The following KCNAB1 variants were observed in gnomAD, a reference collection of about 807,000 sequenced individuals.
The protein encoded by KCNAB1 is voltage-gated potassium channel subunit beta-1.
KCNAB1 carries 35 observed loss-of-function variants against 64.6 expected under a neutral mutation model. The ratio of observed to expected loss-of-function variants is 0.54; its 90% CI spans 0.41 to 0.72. The LOEUF is 0.72. Ranked by LOEUF, KCNAB1 falls within the 30% of genes least tolerant of loss-of-function variation. The pLI, the probability that KCNAB1 is intolerant of heterozygous loss-of-function variation, is 0.00. For synonymous variants in KCNAB1, 177 were observed against 183.8 expected, an observed-to-expected ratio of 0.96 and a Z score of 0.30; for missense variants, 401 against 512.9, an observed-to-expected ratio of 0.78 and a Z score of 2.11.
At chr3:156,284,296 G>T (rs1719944149) in intron 1 of KCNAB1, among the ~76,000 whole-genome samples, 1 of 152,148 alleles carries the variant, frequency 6.6e-6, no homozygotes, top group Non-Finnish European at 1.5e-5. Flanking sequence ...AGGGGTCAGG[G>T]ACCCACTTGA....
chr3:156,510,057 C>A (rs1308687652), intron 8 of KCNAB1, among the ~76,000 whole-genome samples: 1 of 152,220 alleles, frequency 6.6e-6, no homozygotes, highest in Admixed American at 6.5e-5. Context: ...GGTTCTCCTG[C>A]AATTTCTCCC....
intron 2 of KCNAB1, among the ~76,000 whole-genome samples, chr3:156,436,294 A>C (rs980547968): frequency 3.9e-5 from 6 of 152,056 alleles, no homozygotes; most frequent in Admixed American, 6.5e-5. Flanking sequence ...TATATACCAG[A>C]TTTTCTTTAT....
intron 8 of KCNAB1, among the ~76,000 whole-genome samples, chr3:156,501,765 A>AT (rs1179918118): frequency 6.6e-6 from 1 of 152,092 alleles, no homozygotes; most frequent in Non-Finnish European, 1.5e-5. Context: ...GTATTAGTCC[A>AT]TTTTCATGCT....
At chr3:156,203,486 C>T (rs927774899) in intron 1 of KCNAB1, among the ~76,000 whole-genome samples, 1 of 152,086 alleles carries the variant, frequency 6.6e-6, no homozygotes, top group Admixed American at 6.6e-5. Flanking sequence ...TTCCTATGGA[C>T]CGTTTTCCCC....
At chr3:156,207,679 T>A (rs115736538) in intron 1 of KCNAB1, among the ~76,000 whole-genome samples, 2,422 of 152,266 alleles carry the variant, frequency 0.016, 69 homozygotes, top group African/African-American at 0.056. Flanking sequence ...GCTGTGCCCA[T>A]AGAAAAATGA....
At chr3:156,465,502 C>T (rs1228428295) in intron 6 of KCNAB1, 141 bp from the exon 7 acceptor site, 1 of 665,426 alleles carries the variant, frequency 1.5e-6, no homozygotes, top group Non-Finnish European at 2.6e-6. Context: ...TGTTGCCCAC[C>T]AGACTTCTCT....
intron 11 of KCNAB1, among the ~76,000 whole-genome samples, chr3:156,522,485 T>C (rs1293729548): frequency 6.6e-6 from 1 of 152,162 alleles, no homozygotes; most frequent in Non-Finnish European, 1.5e-5. Context: ...CTCTTCTTTT[T>C]GAAGAAGCTG....
chr3:156,332,686 A>G (rs1215308331), intron 1 of KCNAB1, among the ~76,000 whole-genome samples: 1 of 152,180 alleles, frequency 6.6e-6, no homozygotes, highest in Non-Finnish European at 1.5e-5. Flanking sequence ...GCACAGTCAG[A>G]CCCAGATGTC....
At chr3:156,314,268 C>A (rs562604550) in intron 1 of KCNAB1, among the ~76,000 whole-genome samples, 64 of 140,474 alleles carry the variant, frequency 4.6e-4, no homozygotes, top group Middle Eastern at 3.4e-3. Context: ...ATGTTAGGTG[C>A]GGTGTCAAAA....
intron 1 of KCNAB1, among the ~76,000 whole-genome samples, chr3:156,141,946 G>A (rs1477731877): frequency 6.6e-6 from 1 of 152,154 alleles, no homozygotes; most frequent in Non-Finnish European, 1.5e-5. Flanking sequence ...TTGTATTTTA[G>A]CTATTGTGAT....
intron 1 of KCNAB1, among the ~76,000 whole-genome samples, chr3:156,380,218 G>C (rs528796985): frequency 2.6e-5 from 4 of 152,276 alleles, no homozygotes; most frequent in African/African-American, 4.8e-5. Flanking sequence ...GCCAGGAAGA[G>C]AGCAGAAAAC....
intron 1 of KCNAB1, among the ~76,000 whole-genome samples, chr3:156,268,441 C>T (rs1365735596): frequency 6.6e-6 from 1 of 152,100 alleles, no homozygotes; most frequent in Non-Finnish European, 1.5e-5. Context: ...TTTTGAGAAA[C>T]CTTCAAATTA....
At chr3:156,247,894 C>A (rs562090009) in intron 1 of KCNAB1, among the ~76,000 whole-genome samples, 1 of 152,162 alleles carries the variant, frequency 6.6e-6, no homozygotes, top group African/African-American at 2.4e-5. Context: ...GTGTCACCAG[C>A]AACTGTGTTT....
At chr3:156,231,236 T>C (rs1198389692) in intron 1 of KCNAB1, among the ~76,000 whole-genome samples, 1 of 152,198 alleles carries the variant, frequency 6.6e-6, no homozygotes, top group Non-Finnish European at 1.5e-5. Flanking sequence ...TTTTTTATTT[T>C]GCCCAAACTT....
chr3:156,413,800 G>A (rs1714859136), intron 1 of KCNAB1, among the ~76,000 whole-genome samples: 1 of 152,204 alleles, frequency 6.6e-6, no homozygotes, highest in African/African-American at 2.4e-5. Flanking sequence ...TGTGCTAGGT[G>A]GTGGGAATAT....
intron 8 of KCNAB1, among the ~76,000 whole-genome samples, chr3:156,504,624 CT>C (rs1716687484): frequency 6.6e-6 from 1 of 151,388 alleles, no homozygotes; most frequent in African/African-American, 2.4e-5. Context: ...TATCTTATGC[CT>C]TGTTTTTGTT....
intron 1 of KCNAB1, among the ~76,000 whole-genome samples, chr3:156,301,034 C>G (rs893475519): frequency 3.3e-5 from 5 of 152,082 alleles, no homozygotes; most frequent in Admixed American, 3.3e-4. Flanking sequence ...CATGGAGGGG[C>G]TCAACTCCAG....
At chr3:156,195,954 A>C (rs1713894444) in intron 1 of KCNAB1, among the ~76,000 whole-genome samples, 1 of 152,088 alleles carries the variant, frequency 6.6e-6, no homozygotes, top group African/African-American at 2.4e-5. Flanking sequence ...ATCTGAAGTT[A>C]ATTTTTGTAT....
chr3:156,338,948 A>C (rs1209517335), intron 1 of KCNAB1, among the ~76,000 whole-genome samples: 1 of 152,190 alleles, frequency 6.6e-6, no homozygotes, highest in Non-Finnish European at 1.5e-5. Flanking sequence ...CAAAATTCCA[A>C]CAACACTGCT....
Sources: gnomAD v4.1 joint callset for allele counts (sites outside exome capture counted in the v4.1 genomes callset) on GRCh38, gnomAD v4.1.1 for gene constraint, MANE v1.5 for transcripts, NCBI Gene and HGNC (gene_info 2026-07-23, HGNC 2026-07-21) for gene names.